The following MTHFD1L variants were observed in gnomAD, a reference collection of about 807,000 sequenced individuals.
MTHFD1L encodes the protein monofunctional C1-tetrahydrofolate synthase, mitochondrial.
MTHFD1L carries 81 observed loss-of-function variants against 119.5 expected under a neutral mutation model. The observed-to-expected ratio is 0.68, with a 90% CI of 0.57 to 0.82. The LOEUF is 0.82. Among genes scored for constraint, MTHFD1L ranks in the 40% least tolerant of loss-of-function variants. The pLI is 0.00. For missense variants in MTHFD1L, 1,125 were observed against 1,253.4 expected (o/e 0.90, Z 1.55); for synonymous variants, 430 against 475.2 (o/e 0.90, Z 1.24).
chr6:150,953,454 G>C (rs1159498602), intron 16 of MTHFD1L, among the ~76,000 whole-genome samples: 1 of 152,204 alleles, frequency 6.6e-6, no homozygotes, highest in Non-Finnish European at 1.5e-5. Flanking sequence ...TCTCTGTACA[G>C]CTGGCTCGGG....
intron 8 of MTHFD1L, among the ~76,000 whole-genome samples, 165 bp from the exon 9 acceptor site, chr6:150,918,412 C>G (rs980992352): frequency 2.0e-5 from 3 of 152,162 alleles, no homozygotes; most frequent in African/African-American, 7.2e-5. Flanking sequence ...AATGGAGGGC[C>G]CCAAGCCTGT....
intron 7 of MTHFD1L, among the ~76,000 whole-genome samples, chr6:150,902,028 T>C (rs1785170464): frequency 6.6e-6 from 1 of 152,222 alleles, no homozygotes; most frequent in South Asian, 2.1e-4. Context: ...GATTCTCATA[T>C]GATATGAACT....
intron 24 of MTHFD1L, chr6:151,022,128 A>T (rs1476249990): frequency 4.3e-6 from 2 of 465,974 alleles, no homozygotes; most frequent in African/African-American, 4.0e-5. Context: ...TCTGAACTTC[A>T]CGCTCTCACT....
In MTHFD1L at chr6:150,938,552, C is replaced by T. The variant is rs182028622; in HGVS notation, c.1394-147C>T. On this transcript the variant is annotated intron_variant, in intron 12 of 27. Transcript: ENST00000367321. ...TGTTGTTGTTCTGCTTGGATATAAC[C>T]ATTAGTGTCTCTCACTGCCTTTTGT... The T allele has an allele frequency of 8.2e-6, 6 of 733,104 alleles. No individual in the cohort carries two copies. The Admixed American group carries it at 8.5e-5, about 10-fold the overall frequency. 45.4% of individuals were successfully genotyped at this position (733,104 alleles called of 1,614,324 possible). A position where few individuals can be genotyped will look rare whatever the true frequency, so the allele number is the denominator to read the frequency against.
At chr6:150,892,445 T>C (rs1035533909) in intron 7 of MTHFD1L, among the ~76,000 whole-genome samples, 3 of 152,218 alleles carry the variant, frequency 2.0e-5, no homozygotes, top group African/African-American at 7.2e-5. Flanking sequence ...CTTGTTTTCA[T>C]ATGGACCAGA....
At chr6:151,059,683 G>A (rs987727952) in intron 26 of MTHFD1L, among the ~76,000 whole-genome samples, 3 of 152,012 alleles carry the variant, frequency 2.0e-5, no homozygotes, top group Non-Finnish European at 2.9e-5. Context: ...CAAGCTGCCC[G>A]GAGACTGGCG....
chr6:150,882,747 T>C lies in MTHFD1L; in HGVS notation c.418-15T>C. 1 of 1,460,660 alleles carries C rather than the reference T, an allele frequency of 6.8e-7. No individual in the cohort carries two copies. Among genetic ancestry groups the C allele is most frequent in the Non-Finnish European group, 9.1e-7 (1 of 1,103,382 alleles). The allele number at this position is 1,460,660 out of a possible 1,614,324, so 90.5% of individuals were successfully genotyped here. A position where few individuals can be genotyped will look rare whatever the true frequency, so the allele number is the denominator to read the frequency against. ...CAAAACTAATTTTTATTTTGTTTTTTTGTTTTCTCTTTAGATTATAGATGA... is the reference window on the plus strand; with the variant it reads ...CAAAACTAATTTTTATTTTGTTTTTCTGTTTTCTCTTTAGATTATAGATGA... On this transcript the variant is annotated splice_polypyrimidine_tract_variant and intron_variant, in intron 4 of 27. Coordinates refer to ENST00000367321, the MANE Select transcript of MTHFD1L (RefSeq NM_015440.5).
intron 11 of MTHFD1L, among the ~76,000 whole-genome samples, chr6:150,933,380 GT>G (rs1350321372): frequency 6.6e-6 from 1 of 152,050 alleles, no homozygotes; most frequent in African/African-American, 2.4e-5. Context: ...TTCTAAGATT[GT>G]AATGCCTGTG....
At chr6:151,021,829 T>G (rs1463568830) in intron 24 of MTHFD1L, among the ~76,000 whole-genome samples, 2 of 152,204 alleles carry the variant, frequency 1.3e-5, no homozygotes, top group Non-Finnish European at 2.9e-5. Context: ...CATCAGTCAT[T>G]TTTGCAAAGA....
At chr6:150,976,419 G>A (rs754686472) in intron 20 of MTHFD1L, among the ~76,000 whole-genome samples, 18 of 152,164 alleles carry the variant, frequency 1.2e-4, no homozygotes, top group Non-Finnish European at 1.9e-4. Context: ...TTTGGCATGT[G>A]AGCAAATTGA....
intron 8 of MTHFD1L, among the ~76,000 whole-genome samples, chr6:150,915,647 G>A (rs940524048): frequency 2.0e-5 from 3 of 151,976 alleles, no homozygotes; most frequent in Non-Finnish European, 4.4e-5. Context: ...GTTGCCCAGG[G>A]TGGAGTGCAG....
intron 23 of MTHFD1L, among the ~76,000 whole-genome samples, chr6:151,015,227 T>TTTTTTG (rs1491186340): frequency 2.8e-5 from 4 of 142,628 alleles, no homozygotes; most frequent in African/African-American, 1.1e-4. Flanking sequence ...TTTTTTTTTT[T>TTTTTTG]TAATTCTACC....
intron 26 of MTHFD1L, among the ~76,000 whole-genome samples, chr6:151,074,868 C>T (rs1792338018): frequency 6.6e-6 from 1 of 152,180 alleles, no homozygotes; most frequent in Admixed American, 6.5e-5. Flanking sequence ...GATGTTCACA[C>T]AGTGACAAAA....
chr6:150,965,232 T>C (rs1046585080), intron 19 of MTHFD1L, among the ~76,000 whole-genome samples, 195 bp downstream of exon 19: 5 of 152,046 alleles, frequency 3.3e-5, no homozygotes, highest in African/African-American at 1.2e-4. Flanking sequence ...AGGAACTACC[T>C]GAGACTGGGT....
chr6:150,944,488 C>A lies in MTHFD1L; in HGVS notation c.1443C>A (p.Phe481Leu). The change falls in exon 14 of 28, where the codon TTC (phenylalanine) becomes TTA (leucine). Residue 481 changes from phenylalanine to leucine, a missense_variant and splice_region_variant. Physicochemically the swap from Phe to Leu is conservative, Grantham distance 22 (BLOSUM62 0). Around this residue, in one of 3 missense-constraint regions of MTHFD1L, gnomAD observed 1,058 missense variants for 1,151.2 expected, o/e 0.92. Coordinates refer to ENST00000367321, the MANE Select transcript of MTHFD1L (RefSeq NM_015440.5). ...GYAQVIPMEE[F>L]NLHLTGDIHA... The stretch of plus-strand genomic sequence containing the variant: ...AGAAAGATATCTTATTTCTCTAGTT[C>A]AACCTTCACTTGACTGGAGACATCC... 1 of 1,609,206 alleles carries A rather than the reference C, an allele frequency of 6.2e-7. No individual in the cohort carries two copies. Among genetic ancestry groups the A allele is most frequent in the Non-Finnish European group, 8.5e-7 (1 of 1,176,172 alleles).
At chr6:150,887,736 C>T (rs1782552505) in intron 6 of MTHFD1L, 109 bp from the exon 7 acceptor site, 14 of 1,192,538 alleles carry the variant, frequency 1.2e-5, no homozygotes, top group Non-Finnish European at 1.5e-5. Flanking sequence ...GAATTATAGG[C>T]ATGAGCCACC....
intron 26 of MTHFD1L, among the ~76,000 whole-genome samples, chr6:151,062,724 G>A (rs1385650776): frequency 6.6e-6 from 1 of 152,154 alleles, no homozygotes; most frequent in Non-Finnish European, 1.5e-5. Flanking sequence ...AAAAGATAAA[G>A]TGAAACCTGC....
At position 151,036,925 on chromosome 6, in the gene MTHFD1L, C is replaced by CTA. The variant is rs777558356; in HGVS notation, c.2695-40_2695-39insTA. The CTA allele has an allele frequency of 2.5e-6, 4 of 1,609,014 alleles. No homozygotes were observed. In the African/African-American group the frequency reaches 4.0e-5, roughly 16 times the overall value. The stretch of plus-strand genomic sequence containing the variant: ...CAAATTGAAAAGCACAGGAGACTAA[C>CTA]ATCTGTATCAGTGAACACATTTTCT... On this transcript the variant is annotated intron_variant, in intron 25 of 27. Transcript: ENST00000367321.
intron 26 of MTHFD1L, among the ~76,000 whole-genome samples, chr6:151,087,368 A>G (rs570148695): frequency 3.9e-5 from 6 of 152,300 alleles, no homozygotes; most frequent in African/African-American, 1.4e-4. Context: ...CACGCTGTAT[A>G]TCAGCCATCC....
Sources: gnomAD v4.1 joint callset for allele counts (sites outside exome capture counted in the v4.1 genomes callset) on GRCh38, gnomAD v4.1.1 for gene constraint, gnomAD v4.1.1 regional missense constraint, MANE v1.5 for transcripts, NCBI Gene and HGNC (gene_info 2026-07-23, HGNC 2026-07-21) for gene names.